THRSP: variants seen among roughly 807,000 people sequenced by gnomAD.
THRSP encodes thyroid hormone-inducible hepatic protein.
Under a neutral mutation model 11.1 loss-of-function variants are expected in THRSP, and 9 were observed. That is an observed-to-expected ratio of 0.81 (90% confidence interval 0.49 to 1.42). THRSP has a LOEUF of 1.42. Ranked by LOEUF, THRSP falls within the 40% of genes most tolerant of loss-of-function variation. The pLI is 0.00. For synonymous variants in THRSP, 73 were observed against 78.1 expected (o/e 0.94, Z 0.34); for missense variants, 177 against 188.2 (o/e 0.94, Z 0.35).
At chr11:78,067,445 T>C (rs952663633) in intron 1 of THRSP, among the ~76,000 whole-genome samples, 3 of 152,248 alleles carry the variant, frequency 2.0e-5, no homozygotes, top group Non-Finnish European at 4.4e-5. Context: ...CTTACCTTTC[T>C]GTATCTGTTT....
chr11:78,065,535 G>A (rs570829490), intron 1 of THRSP, among the ~76,000 whole-genome samples: 1 of 152,250 alleles, frequency 6.6e-6, no homozygotes, highest in African/African-American at 2.4e-5. Flanking sequence ...CCACAAACTG[G>A]TCTCATTAGT....
intron 1 of THRSP, among the ~76,000 whole-genome samples, chr11:78,066,915 C>G (rs2136809981): frequency 6.6e-6 from 1 of 152,078 alleles, no homozygotes; most frequent in Non-Finnish European, 1.5e-5. Context: ...CAACCTCCAC[C>G]TCCCGATTCA....
rs755060907 is a variant in THRSP at position 78,064,017 on chromosome 11, G to A, written c.136G>A (p.Gly46Arg). ...GCGGGACGTGCAGCTGAGTGGGCCT[G>A]GGGGCCAGGCCCAGGCTGAGGCCCC... is the stretch of plus-strand genomic sequence containing the variant. ...LLRDVQLSGP[G>R]GQAQAEAPDL... The change falls in exon 1 of 2, where the codon GGG becomes AGG. Residue 46 changes from glycine (G) to arginine (R), a missense_variant. Coordinates refer to ENST00000281030, the MANE Select transcript of THRSP (RefSeq NM_003251.4). 1 of 1,614,130 alleles carries A rather than the reference G, an allele frequency of 6.2e-7. No homozygotes were observed. Among genetic ancestry groups the A allele is most frequent in the Admixed American group, 1.7e-5 (1 of 60,012 alleles).
intron 1 of THRSP, among the ~76,000 whole-genome samples, chr11:78,065,829 C>T (rs1858721947): frequency 6.6e-6 from 1 of 152,238 alleles, no homozygotes; most frequent in African/African-American, 2.4e-5. Context: ...AAACACAGAG[C>T]CTATGGAGAG....
In THRSP at chr11:78,064,250, C is replaced by T; in HGVS notation, c.369C>T (p.Ile123=). Residue 123 remains isoleucine (I), a synonymous_variant, in exon 1 of 2, where the codon ATC becomes ATT. Transcript: ENST00000281030. ...TGCACTTCTCCAGCCTCCATCACAT[C>T]CTCATGCACCTCACCGAGAAAGCCC... ...FHLHFSSLHH[I]LMHLTEKAQE... 1.2e-6 allele frequency: 2 copies of T among 1,613,908 alleles called. No homozygotes were observed. Among genetic ancestry groups the T allele is most frequent in the South Asian group, 2.2e-5 (2 of 91,058 alleles).
Position 78,064,050 on chromosome 11 carries a change from T to C in THRSP, c.169T>C (p.Tyr57His). The change falls in exon 1 of 2, where the codon TAC (tyrosine) becomes CAC (histidine). Residue 57 changes from tyrosine (Y) to histidine (H), a missense_variant. Tyr to His is a moderately conservative substitution (Grantham distance 83). Transcript: ENST00000281030. The part of the protein sequence containing the change: ...GQAQAEAPDL[Y>H]TYFTMLKAIC... ...GGCCCAGGCTGAGGCCCCTGATCTC[T>C]ACACCTACTTCACCATGCTCAAGGC... The C allele has an allele frequency of 1.2e-6, 2 of 1,614,182 alleles. No homozygotes were observed. Among genetic ancestry groups the C allele is most frequent in the Non-Finnish European group, 1.7e-6 (2 of 1,180,038 alleles).
chr11:78,064,223 C>CTCTCCAGG lies in THRSP; in HGVS notation c.342_343insTCTCCAGG (p.Leu115SerfsTer23). 6.2e-7 allele frequency: 1 copy of CTCTCCAGG among 1,614,120 alleles called. No homozygotes were observed. The highest frequency in any genetic ancestry group is 8.5e-7 in the Non-Finnish European group (1 of 1,180,018). ...AGCTGGACCTGGAAGCCCAGTTCCA[C>CTCTCCAGG]CTGCACTTCTCCAGCCTCCATCACA... On this transcript the variant is annotated frameshift_variant, in exon 1 of 2. Transcript: ENST00000281030. LOFTEE classifies it high-confidence loss of function.
At chr11:78,064,924 G>A (rs1485297356) in intron 1 of THRSP, among the ~76,000 whole-genome samples, 1 of 151,440 alleles carries the variant, frequency 6.6e-6, no homozygotes, top group African/African-American at 2.4e-5. Context: ...GGGAGGCAGA[G>A]GTTGCAGTGA....
chr11:78,064,055 C>G lies in THRSP; in HGVS notation c.174C>G (p.Thr58=). Residue 58 remains threonine, a synonymous_variant, in exon 1 of 2, where the codon ACC becomes ACG. Transcript: ENST00000281030. ...QAQAEAPDLY[T]YFTMLKAICV... is the part of the protein sequence containing the mutation. ...AGGCTGAGGCCCCTGATCTCTACAC[C>G]TACTTCACCATGCTCAAGGCCATCT... is the stretch of plus-strand genomic sequence containing the variant. 1.2e-6 allele frequency: 2 copies of G among 1,614,200 alleles called. No individual in the cohort carries two copies. Among genetic ancestry groups the G allele is most frequent in the African/African-American group, 1.3e-5 (1 of 75,070 alleles).
chr11:78,066,214 G>A (rs1052258922), intron 1 of THRSP, among the ~76,000 whole-genome samples: 1 of 152,156 alleles, frequency 6.6e-6, no homozygotes, highest in African/African-American at 2.4e-5. Flanking sequence ...TGTCCCCCAG[G>A]TTGGAGTGCA....
Position 78,067,967 on chromosome 11 carries a change from G to A in THRSP, c.*328G>A, listed in dbSNP as rs1444672020. 3 of 152,112 alleles carry A rather than the reference G, an allele frequency of 2.0e-5. No homozygotes were observed. The highest frequency in any genetic ancestry group is 2.1e-4 in the South Asian group (1 of 4,830). The allele number at this position is 152,112 out of a possible 1,614,324, so 9.4% of individuals were successfully genotyped here. A position where few individuals can be genotyped will look rare whatever the true frequency, so the allele number is the denominator to read the frequency against. On this transcript the variant is annotated 3_prime_UTR_variant, in exon 2 of 2. Transcript: ENST00000281030. ...GTAGGAAGAGTGTAGGTGTTGGCAC[G>A]TGACCAAAATTCACATCCCTCCTCA...
intron 1 of THRSP, among the ~76,000 whole-genome samples, chr11:78,065,153 T>TACA (rs2136806074): frequency 6.6e-6 from 1 of 152,250 alleles, no homozygotes; most frequent in South Asian, 2.1e-4. Flanking sequence ...GCAGTACTGC[T>TACA]ACAACAGGCT....
intron 1 of THRSP, among the ~76,000 whole-genome samples, chr11:78,066,484 T>C (rs2136808971): frequency 6.6e-6 from 1 of 152,302 alleles, no homozygotes; most frequent in South Asian, 2.1e-4. Context: ...CTTTTGCAGA[T>C]GAGAAAACTG....
intron 1 of THRSP, among the ~76,000 whole-genome samples, chr11:78,066,554 C>A (rs867041617): frequency 1.1e-4 from 16 of 152,294 alleles, no homozygotes; most frequent in Middle Eastern, 6.8e-3. Context: ...AAGATGTGAA[C>A]CCTGGCCTAA....
chr11:78,064,185 A>C lies in THRSP; in HGVS notation c.304A>C (p.Ser102Arg), dbSNP rs768251901. ...AGAGACAGAGGAAGTCGAGGACGAGAGTGCCTCAGGAGAGCTGGACCTGGA... is the reference window on the plus strand; with the variant it reads ...AGAGACAGAGGAAGTCGAGGACGAGCGTGCCTCAGGAGAGCTGGACCTGGA... ...TAETEEVEDE[S>R]ASGELDLEAQ... is the part of the protein sequence containing the mutation. Residue 102 changes from serine (S) to arginine (R), a missense_variant, in exon 1 of 2, where the codon AGT becomes CGT. Transcript: ENST00000281030. The C allele has an allele frequency of 6.2e-7, 1 of 1,614,140 alleles. No homozygotes were observed. The highest frequency in any genetic ancestry group is 8.5e-7 in the Non-Finnish European group (1 of 1,180,034).
chr11:78,066,738 A>G (rs1162882964), intron 1 of THRSP, among the ~76,000 whole-genome samples: 2 of 152,160 alleles, frequency 1.3e-5, no homozygotes, highest in Non-Finnish European at 2.9e-5. Context: ...AACACACCCT[A>G]ACCTGATTTT....
In THRSP at chr11:78,068,228, G is replaced by A. The variant is rs1214777533; in HGVS notation, c.*589G>A. On this transcript the variant is annotated 3_prime_UTR_variant, in exon 2 of 2. Coordinates refer to ENST00000281030, the MANE Select transcript of THRSP (RefSeq NM_003251.4). ...GCTTTTTACCCTCCAGAGCTAAGAGGTAGCAGAGTCTCTTGGGATGAGTGA... is the reference window on the plus strand; with the variant it reads ...GCTTTTTACCCTCCAGAGCTAAGAGATAGCAGAGTCTCTTGGGATGAGTGA... 1.3e-5 allele frequency: 2 copies of A among 151,898 alleles called. No individual in the cohort carries two copies. Among genetic ancestry groups the A allele is most frequent in the East Asian group, 3.9e-4 (2 of 5,182 alleles). The allele number at this position is 151,898 out of a possible 1,614,324, so 9.4% of individuals were successfully genotyped here.
chr11:78,066,455 G>C (rs1051799853), intron 1 of THRSP, among the ~76,000 whole-genome samples: 1 of 152,174 alleles, frequency 6.6e-6, no homozygotes, highest in African/African-American at 2.4e-5. Flanking sequence ...ATGAGCCACC[G>C]CGCCCAGCCT....
chr11:78,065,418 C>T (rs920080808), intron 1 of THRSP, among the ~76,000 whole-genome samples: 6 of 151,996 alleles, frequency 3.9e-5, no homozygotes, highest in African/African-American at 1.5e-4. Context: ...GGGAAGGGGC[C>T]CTAGCATGGT....
Sources: allele counts gnomAD v4.1 joint callset (sites outside exome capture counted in the v4.1 genomes callset), GRCh38; gene constraint gnomAD v4.1.1; transcripts MANE v1.5; gene names NCBI Gene and HGNC (gene_info 2026-07-23, HGNC 2026-07-21).